ROBO1: variants seen among roughly 807,000 people sequenced by gnomAD.
ROBO1 encodes the protein roundabout guidance receptor 1, also known as roundabout homolog 1.
A neutral mutation model predicts 195.9 loss-of-function variants in ROBO1; 149 were observed. The ratio of observed to expected loss-of-function variants is 0.76; its 90% CI spans 0.67 to 0.87. ROBO1 has a LOEUF of 0.87. ROBO1 is among the 40% of genes least tolerant of loss of function. The pLI is 0.00. For synonymous variants in ROBO1, 816 were observed against 733.2 expected, an observed-to-expected ratio of 1.11 and a Z score of -1.82; for missense variants, 1,933 against 2,068.3, an observed-to-expected ratio of 0.93 and a Z score of 1.27.
chr3:79,664,634 C>A (rs564954735), intron 1 of ROBO1, among the ~76,000 whole-genome samples: 1 of 152,176 alleles, frequency 6.6e-6, no homozygotes, highest in African/African-American at 2.4e-5. Context: ...TCTCAGAGCA[C>A]GTCCTGTGGG....
chr3:79,537,056 A>C (rs1941896514), intron 2 of ROBO1, among the ~76,000 whole-genome samples: 1 of 151,778 alleles, frequency 6.6e-6, no homozygotes, highest in African/African-American at 2.4e-5. Flanking sequence ...TAAGAGGAAA[A>C]CCTAGACATT....
At chr3:78,858,196 C>A (rs1417943872) in intron 4 of ROBO1, among the ~76,000 whole-genome samples, 1 of 152,104 alleles carries the variant, frequency 6.6e-6, no homozygotes, top group African/African-American at 2.4e-5. Context: ...AAAGCAGGAA[C>A]AACCGGGGAC....
intron 2 of ROBO1, among the ~76,000 whole-genome samples, chr3:79,300,218 G>C (rs1003283896): frequency 6.6e-6 from 1 of 152,200 alleles, no homozygotes; most frequent in Non-Finnish European, 1.5e-5. Context: ...GAGGTGTGGG[G>C]GGAGAGGCGT....
rs151085614 is a variant in ROBO1 at position 79,714,078 on chromosome 3, T to A, written c.-51+53674A>T. The stretch of plus-strand genomic sequence containing the variant: ...TTAGGATTGACTTGGCAATGCAGGC[T>A]CTTTTTTGCAACCTACTCATCTGAC... On this transcript the variant is annotated intron_variant, in intron 1 of 30. Coordinates refer to ENST00000464233, the MANE Select transcript of ROBO1 (RefSeq NM_002941.4). Among the ~76,000 whole-genome samples the A allele has an allele frequency of 4.7e-3, 713 of 151,978 alleles. 10 individuals carry two copies. Among genetic ancestry groups the A allele is most frequent in the African/African-American group, 0.015 (617 of 41,518 alleles).
At position 78,717,352 on chromosome 3, in the gene ROBO1, T is replaced by C. The variant is rs368249948; in HGVS notation, c.840A>G (p.Glu280=). The part of the protein sequence containing the change: ...NLAVTVDDSA[E]FKCEARGDPV... ...GGTCACCTCGGGCCTCACATTTAAA[T>C]TCTGCACTGTCATCCACAGTTACTG... Residue 280 remains glutamate, a synonymous_variant, in exon 7 of 31, where the codon GAA becomes GAG. Transcript: ENST00000464233. 1.5e-5 allele frequency: 25 copies of C among 1,613,358 alleles called. No individual in the cohort carries two copies. The highest frequency in any genetic ancestry group is 2.0e-5 in the Non-Finnish European group (24 of 1,179,646).
At chr3:79,717,084 A>T (rs1047208024) in intron 1 of ROBO1, among the ~76,000 whole-genome samples, 2 of 152,094 alleles carry the variant, frequency 1.3e-5, no homozygotes, top group Admixed American at 1.3e-4. Flanking sequence ...AAAGCAAGTT[A>T]TGGATTTTGA....
chr3:78,728,079 T>C (rs114826082), intron 5 of ROBO1, among the ~76,000 whole-genome samples: 2,255 of 152,162 alleles, frequency 0.015, 22 homozygotes, highest in Middle Eastern at 0.048. Context: ...TTATTAAAGA[T>C]TTTTTGATCT....
intron 1 of ROBO1, among the ~76,000 whole-genome samples, chr3:79,717,858 G>A (rs1267103906): frequency 6.6e-6 from 1 of 151,998 alleles, no homozygotes; most frequent in Non-Finnish European, 1.5e-5. Flanking sequence ...TGTCTTTTGT[G>A]TGTGTATTTT....
intron 2 of ROBO1, among the ~76,000 whole-genome samples, chr3:79,406,394 G>C (rs71324668): frequency 0.058 from 8,783 of 151,114 alleles, 308 homozygotes; most frequent in Non-Finnish European, 0.077. Context: ...TGGCGCCACT[G>C]CACCCCAGAC....
chr3:79,263,985 T>C (rs981436453), intron 2 of ROBO1, among the ~76,000 whole-genome samples: 6 of 152,040 alleles, frequency 3.9e-5, no homozygotes, highest in African/African-American at 9.7e-5. Flanking sequence ...CACAAATCCT[T>C]GCATGTCTTC....
rs906046373 is a variant in ROBO1 at position 79,451,799 on chromosome 3, T to C, written c.88+138025A>G. 8.6e-5 allele frequency among the ~76,000 whole-genome samples: 13 copies of C among 151,962 alleles called. No individual in the cohort carries two copies. In the South Asian group the frequency reaches 1.9e-3, roughly 22 times the overall value. On this transcript the variant is annotated intron_variant, in intron 2 of 30. Coordinates refer to ENST00000464233, the MANE Select transcript of ROBO1 (RefSeq NM_002941.4). ...ACCTATAGGAGGTGTAAAGGAAACA[T>C]AGAGAAAGGGAAAAATAAGTAAATT...
At chr3:79,709,201 T>C (rs1702178550) in intron 1 of ROBO1, among the ~76,000 whole-genome samples, 1 of 152,220 alleles carries the variant, frequency 6.6e-6, no homozygotes, top group African/African-American at 2.4e-5. Context: ...CTCCTGTCAA[T>C]ATGTATCCTA....
intron 2 of ROBO1, among the ~76,000 whole-genome samples, chr3:79,550,040 A>G (rs1296115973): frequency 6.6e-6 from 1 of 151,686 alleles, no homozygotes; most frequent in East Asian, 1.9e-4. Flanking sequence ...CAGGAGGATC[A>G]CTTAAGCATG....
intron 1 of ROBO1, among the ~76,000 whole-genome samples, chr3:79,672,005 A>G (rs1196838615): frequency 6.6e-6 from 1 of 151,980 alleles, no homozygotes. Context: ...TTTCTTCTGC[A>G]CAGGTTTTCT....
chr3:78,683,418 T>G (rs556934313), intron 10 of ROBO1, among the ~76,000 whole-genome samples: 1 of 152,200 alleles, frequency 6.6e-6, no homozygotes, highest in Admixed American at 6.5e-5. Flanking sequence ...TTTCACAAGT[T>G]TATTTTAAAA....
Position 78,777,022 on chromosome 3 carries a change from GT to G in ROBO1, c.500-30123del, listed in dbSNP as rs1160856657. On this transcript the variant is annotated intron_variant, in intron 4 of 30. Transcript: ENST00000464233. ...ATCTGCATAAGAAATATTTGTGGAT[GT>G]CATCTCTATAATAATTACTACTATT... Among the ~76,000 whole-genome samples, 4 of 152,096 alleles carry G rather than the reference GT, an allele frequency of 2.6e-5. No homozygotes were observed. In the South Asian group the frequency reaches 8.3e-4, roughly 32 times the overall value.
intron 2 of ROBO1, among the ~76,000 whole-genome samples, chr3:79,465,009 A>G (rs1937881586): frequency 6.6e-6 from 1 of 152,286 alleles, no homozygotes; most frequent in East Asian, 1.9e-4. Context: ...AATGTGTGAC[A>G]TTTTTGTTGT....
At chr3:79,765,618 G>A (rs991458844) in intron 1 of ROBO1, among the ~76,000 whole-genome samples, 2 of 152,140 alleles carry the variant, frequency 1.3e-5, no homozygotes, top group African/African-American at 2.4e-5. Context: ...CCAGTTATGA[G>A]GCTTCCAAAT....
intron 21 of ROBO1, among the ~76,000 whole-genome samples, chr3:78,642,981 G>T (rs1432161638): frequency 2.6e-5 from 4 of 151,812 alleles, no homozygotes; most frequent in Non-Finnish European, 5.9e-5. Flanking sequence ...TTACTTATAG[G>T]TGACATCTAT....
Sources: allele counts gnomAD v4.1 joint callset (sites outside exome capture counted in the v4.1 genomes callset), GRCh38; gene constraint gnomAD v4.1.1; transcripts MANE v1.5; gene names NCBI Gene and HGNC (gene_info 2026-07-23, HGNC 2026-07-21).